Variants in SLC51A observed in about 807,000 individuals in gnomAD.
SLC51A encodes the protein organic solute transporter subunit alpha.
A neutral mutation model predicts 34.8 loss-of-function variants in SLC51A; 22 were observed. That is an observed-to-expected ratio of 0.63 (90% CI 0.45 to 0.90). The LOEUF (loss-of-function observed/expected upper bound fraction) is 0.90, where lower values mean the gene tolerates loss of function less well. Ranked by LOEUF, SLC51A falls within the 40% of genes least tolerant of loss-of-function variation. The pLI, the probability that SLC51A is intolerant of heterozygous loss-of-function variation, is 0.00. For synonymous variants in SLC51A, 181 were observed against 176.3 expected, an observed-to-expected ratio of 1.03 and a Z score of -0.21; for missense variants, 371 against 414.8, an observed-to-expected ratio of 0.89 and a Z score of 0.92.
chr3:196,220,971 C>T (rs1006077291), intron 2 of SLC51A, among the ~76,000 whole-genome samples: 1 of 150,324 alleles, frequency 6.7e-6, no homozygotes, highest in Non-Finnish European at 1.5e-5. Context: ...CTTACCCCAA[C>T]CCTCCACCTG....
At position 196,228,562 on chromosome 3, in the gene SLC51A, T is replaced by G; in HGVS notation, c.522-247T>G. The G allele has an allele frequency of 1.7e-6, 1 of 603,304 alleles. No individual in the cohort carries two copies. Among genetic ancestry groups the G allele is most frequent in the East Asian group, 2.8e-5 (1 of 36,230 alleles). The allele number at this position is 603,304 out of a possible 1,614,324, so 37.4% of individuals were successfully genotyped here. On this transcript the variant is annotated intron_variant, in intron 5 of 8. Transcript: ENST00000296327. The surrounding 1 kb of genome is among the most constrained non-coding windows in gnomAD (Gnocchi z 4.9). The stretch of plus-strand genomic sequence containing the variant: ...TGCCCCTTCTGCCCACTTTGGTGAA[T>G]GAGGTTGAGGTCACACTCCCAGACC...
At position 196,224,393 on chromosome 3, in the gene SLC51A, A is replaced by G. The variant is rs150209815; in HGVS notation, c.134-2572A>G. Among the ~76,000 whole-genome samples the G allele has an allele frequency of 3.9e-3, 576 of 148,226 alleles. 5 individuals are homozygous for G. Among genetic ancestry groups the G allele is most frequent in the Middle Eastern group, 0.017 (5 of 286 alleles). On this transcript the variant is annotated intron_variant, in intron 2 of 8. Coordinates refer to ENST00000296327, the MANE Select transcript of SLC51A (RefSeq NM_152672.6). ...CACCGAGAAAAGGCCATGTGGGGAC[A>G]CAGTAGAAACGCGGTTGTCGGCTGG...
chr3:196,229,338 A>T (rs899977664), intron 6 of SLC51A, among the ~76,000 whole-genome samples: 7 of 149,056 alleles, frequency 4.7e-5, no homozygotes, highest in African/African-American at 7.4e-5. Flanking sequence ...TGAAGCCAGG[A>T]GTTTGCGACC....
At chr3:196,226,451 G>T (rs777524007) in intron 2 of SLC51A, 1 of 152,168 alleles carries the variant, frequency 6.6e-6, no homozygotes, top group Non-Finnish European at 1.5e-5. Flanking sequence ...ATCTACATTC[G>T]CTAGTGCAGC....
chr3:196,230,324 C>G (rs1724002257), intron 7 of SLC51A, among the ~76,000 whole-genome samples: 1 of 152,112 alleles, frequency 6.6e-6, no homozygotes, highest in Admixed American at 6.6e-5. Flanking sequence ...GTGCTGGAGG[C>G]TAGAAGTCCA....
At position 196,228,327 on chromosome 3, in the gene SLC51A, C is replaced by G. The variant is rs944622047; in HGVS notation, c.521+54C>G. The G allele has an allele frequency of 6.4e-7, 1 of 1,564,056 alleles. No individual in the cohort carries two copies. The highest frequency in any genetic ancestry group is 8.6e-7 in the Non-Finnish European group (1 of 1,159,962). ...GGAGCCGGGGAGCCTCTCCTGGACC[C>G]CTGGTCCCCTTCAAGGCTCTGGGAA... On this transcript the variant is annotated intron_variant, in intron 5 of 8. Transcript: ENST00000296327. This position sits in a 1 kb window ranked among gnomAD's most constrained non-coding sequence, Gnocchi z 4.9.
intron 4 of SLC51A, 182 bp from the exon 5 acceptor site, chr3:196,227,933 G>A (rs1241922407): frequency 4.1e-6 from 4 of 974,084 alleles, no homozygotes; most frequent in Middle Eastern, 2.3e-4. Flanking sequence ...CCAGCCCTCT[G>A]TTCCCACAGT....
At position 196,226,990 on chromosome 3, in the gene SLC51A, C is replaced by A; in HGVS notation, c.159C>A (p.Leu53=). ...LRALGPVELA[L]TSILTLLALG... Reference sequence around the variant, plus strand: ...CCCTGGGCCCTGTGGAACTTGCCCTCACTAGCATCCTGACCTTGCTGGCGC... The same window carrying A: ...CCCTGGGCCCTGTGGAACTTGCCCTAACTAGCATCCTGACCTTGCTGGCGC... Residue 53 remains leucine, a synonymous_variant, in exon 3 of 9, where the codon CTC becomes CTA. Coordinates refer to ENST00000296327, the MANE Select transcript of SLC51A (RefSeq NM_152672.6). The A allele has an allele frequency of 6.2e-7, 1 of 1,613,740 alleles. No homozygotes were observed. The highest frequency in any genetic ancestry group is 8.5e-7 in the Non-Finnish European group (1 of 1,179,830).
chr3:196,227,586 T>C, intron 3 of SLC51A, 78 bp from the exon 4 acceptor site: 1 of 1,282,328 alleles, frequency 7.8e-7, no homozygotes, highest in South Asian at 1.2e-5. Flanking sequence ...TTTTGCCTCC[T>C]GTGTCCTTGC....
Position 196,233,364 on chromosome 3 carries a change from C to T in SLC51A, c.*165C>T. 1.3e-6 allele frequency: 1 copy of T among 773,434 alleles called. No individual in the cohort carries two copies. The highest frequency in any genetic ancestry group is 2.7e-5 in the East Asian group (1 of 37,040). The allele number at this position is 773,434 out of a possible 1,614,324, so 47.9% of individuals were successfully genotyped here. On this transcript the variant is annotated 3_prime_UTR_variant, in exon 9 of 9. Transcript: ENST00000296327. ...GGTGAACAATGTTAGAATAAAATTG[C>T]TTTGGATCTTGCCTGGAAGGTGTTT...
chr3:196,226,909 C>G, intron 2 of SLC51A, 56 bp from the exon 3 acceptor site: 1 of 1,539,142 alleles, frequency 6.5e-7, no homozygotes, highest in Non-Finnish European at 8.7e-7. Flanking sequence ...AGGAACAAGC[C>G]CAGGCCTTCT....
chr3:196,219,399 T>C (rs1167573569), intron 2 of SLC51A, among the ~76,000 whole-genome samples: 1 of 152,224 alleles, frequency 6.6e-6, no homozygotes, highest in African/African-American at 2.4e-5. Flanking sequence ...ACTGACTACC[T>C]CTGAAATGTT....
At chr3:196,224,481 G>C (rs1723844288) in intron 2 of SLC51A, among the ~76,000 whole-genome samples, 1 of 151,168 alleles carries the variant, frequency 6.6e-6, no homozygotes, top group South Asian at 2.1e-4. Flanking sequence ...GGTCAGTTGA[G>C]GTCAGTTCAA....
chr3:196,217,324 T>C (rs1284824481), intron 1 of SLC51A, among the ~76,000 whole-genome samples: 1 of 152,188 alleles, frequency 6.6e-6, no homozygotes, highest in Non-Finnish European at 1.5e-5. Flanking sequence ...GTTTGAGTCC[T>C]GGAGTTCGAG....
At position 196,228,872 on chromosome 3, in the gene SLC51A, C is replaced by T. The variant is rs1281729941; in HGVS notation, c.585C>T (p.Thr195=). 6.2e-7 allele frequency: 1 copy of T among 1,614,166 alleles called. No homozygotes were observed. Among genetic ancestry groups the T allele is most frequent in the African/African-American group, 1.3e-5 (1 of 75,036 alleles). Residue 195 remains threonine, a synonymous_variant, in exon 6 of 9, where the codon ACC becomes ACT. Transcript: ENST00000296327. This position sits in a 1 kb window ranked among gnomAD's most constrained non-coding sequence, Gnocchi z 4.9. ...FQYAFLKITL[T]LVGLFLVPDG... The stretch of plus-strand genomic sequence containing the variant: ...ACGCCTTCTTGAAGATAACGCTGAC[C>T]CTGGTGGGCCTGTTTCTCGTCCCCG...
rs1724074543 is a variant in SLC51A at position 196,233,415 on chromosome 3, G to A, written c.*216G>A. 24 of 531,128 alleles carry A rather than the reference G, an allele frequency of 4.5e-5. No individual in the cohort carries two copies. In the South Asian group the frequency reaches 4.7e-4, roughly 10 times the overall value. 32.9% of individuals were successfully genotyped at this position (531,128 alleles called of 1,614,324 possible). On this transcript the variant is annotated 3_prime_UTR_variant, in exon 9 of 9. Transcript: ENST00000296327. ...TAAGTTTTGTAATAAACAAGATGAT[G>A]TCTGAAAATGTGTAACTGGGCACCT...
intron 2 of SLC51A, among the ~76,000 whole-genome samples, chr3:196,219,800 C>G (rs958483840): frequency 5.3e-5 from 8 of 152,242 alleles, no homozygotes; most frequent in Non-Finnish European, 7.3e-5. Context: ...TCCTACAGGG[C>G]ACGGGAAGAG....
chr3:196,219,162 G>C (rs367624012), intron 2 of SLC51A, among the ~76,000 whole-genome samples: 11 of 152,176 alleles, frequency 7.2e-5, no homozygotes, highest in African/African-American at 2.2e-4. Context: ...GGAGGCGGAG[G>C]TTGCAGTGAG....
At chr3:196,226,621 A>T (rs1691833261) in intron 2 of SLC51A, 1 of 161,424 alleles carries the variant, frequency 6.2e-6, no homozygotes, top group African/African-American at 2.4e-5. Context: ...TAAAAATATA[A>T]AAATTAGCCG....
Sources: allele counts gnomAD v4.1 joint callset (sites outside exome capture counted in the v4.1 genomes callset), GRCh38; gene constraint gnomAD v4.1.1; non-coding constraint Gnocchi (gnomAD v3.1); transcripts MANE v1.5; gene names NCBI Gene and HGNC (gene_info 2026-07-23, HGNC 2026-07-21).